DENND1A: variants seen among roughly 807,000 people sequenced by gnomAD.
DENND1A encodes the protein DENN domain containing 1A, also known as DENN domain-containing protein 1A.
DENND1A carries 51 observed loss-of-function variants against 113.7 expected under a neutral mutation model. That is an observed-to-expected ratio of 0.45 (90% confidence interval 0.36 to 0.57). The LOEUF is 0.57. Ranked by LOEUF, DENND1A falls within the 20% of genes least tolerant of loss-of-function variation. The pLI, the probability that DENND1A is intolerant of heterozygous loss-of-function variation, is 0.00. For synonymous variants in DENND1A, 565 were observed against 570.8 expected, an observed-to-expected ratio of 0.99 and a Z score of 0.14; for missense variants, 1,258 against 1,395.9, an observed-to-expected ratio of 0.90 and a Z score of 1.57.
chr9:123,787,628 C>T (rs1832384454), intron 3 of DENND1A, among the ~76,000 whole-genome samples: 3 of 152,152 alleles, frequency 2.0e-5, no homozygotes, highest in Admixed American at 2.0e-4. Context: ...TTACATGCAA[C>T]TCAGAAATGC....
rs769031890 is a variant in DENND1A at position 123,382,125 on chromosome 9, A to G, written c.2520T>C (p.Ser840=). The stretch of plus-strand genomic sequence containing the variant: ...GGTCCAGGAGGGCGAGCAGGGCGTC[A>G]CTGCTCGTGCCTGCAGCCCCGGGGC... ...SPGPGAAGTS[S]DALLALLDPL... Residue 840 remains serine, a synonymous_variant, in exon 24 of 24, where the codon AGT becomes AGC. Transcript: ENST00000394215. The G allele has an allele frequency of 1.1e-5, 17 of 1,583,942 alleles. No homozygotes were observed. Among genetic ancestry groups the G allele is most frequent in the Non-Finnish European group, 1.5e-5 (17 of 1,165,544 alleles).
rs563028181 is a variant in DENND1A at position 123,677,428 on chromosome 9, T to C, written c.303-639A>G. The stretch of plus-strand genomic sequence containing the variant: ...GTGGTCCACTCTGTGTGGCTTGTTT[T>C]TTGTTTGTTTGTTTGTTTGTTTTGA... On this transcript the variant is annotated intron_variant, in intron 5 of 23. Coordinates refer to ENST00000394215, the MANE Select transcript of DENND1A (RefSeq NM_001352964.2). 1.5e-3 allele frequency among the ~76,000 whole-genome samples: 232 copies of C among 151,844 alleles called. 2 individuals are homozygous for C. The highest frequency in any genetic ancestry group is 5.3e-3 in the African/African-American group (219 of 41,474).
At chr9:123,895,289 T>A (rs1588126825) in intron 1 of DENND1A, among the ~76,000 whole-genome samples, 2 of 152,058 alleles carry the variant, frequency 1.3e-5, no homozygotes, top group African/African-American at 4.8e-5. Context: ...TTTTTTTCCA[T>A]CTTCTCAGAT....
intron 3 of DENND1A, among the ~76,000 whole-genome samples, chr9:123,772,232 G>A (rs1445453128): frequency 6.6e-6 from 1 of 152,078 alleles, no homozygotes; most frequent in East Asian, 1.9e-4. Flanking sequence ...AAACATTCAT[G>A]TCTTATCATC....
chr9:123,768,177 T>C (rs971062240), intron 4 of DENND1A, among the ~76,000 whole-genome samples: 3 of 152,210 alleles, frequency 2.0e-5, no homozygotes, highest in African/African-American at 7.2e-5. Context: ...GAAATATTCC[T>C]GGTACCAGGA....
At chr9:123,678,192 G>A (rs2064214532) in intron 5 of DENND1A, among the ~76,000 whole-genome samples, 2 of 152,192 alleles carry the variant, frequency 1.3e-5, no homozygotes, top group South Asian at 4.1e-4. Context: ...CATGCAAACA[G>A]AGAGGAAGGG....
At chr9:123,849,182 A>G (rs556326789) in intron 2 of DENND1A, among the ~76,000 whole-genome samples, 1 of 152,320 alleles carries the variant, frequency 6.6e-6, no homozygotes, top group East Asian at 1.9e-4. Context: ...TTTCATAGCT[A>G]GAGAGGAGAT....
At chr9:123,855,517 T>C (rs751433301) in intron 2 of DENND1A, among the ~76,000 whole-genome samples, 1 of 152,094 alleles carries the variant, frequency 6.6e-6, no homozygotes, top group Non-Finnish European at 1.5e-5. Flanking sequence ...GCTCAGCTAG[T>C]GCAGAAGGTC....
intron 21 of DENND1A, among the ~76,000 whole-genome samples, chr9:123,397,410 C>T (rs2043189641): frequency 6.6e-6 from 1 of 152,214 alleles, no homozygotes; most frequent in Non-Finnish European, 1.5e-5. Flanking sequence ...CCACCTTGGC[C>T]TCCCAAAGTA....
At chr9:123,573,991 A>G (rs114061699) in intron 12 of DENND1A, among the ~76,000 whole-genome samples, 80 of 151,500 alleles carry the variant, frequency 5.3e-4, no homozygotes, top group African/African-American at 1.9e-3. Flanking sequence ...TTTTTTTCAT[A>G]TATCTTGTTA....
At chr9:123,691,531 CTT>C (rs2065189773) in intron 5 of DENND1A, among the ~76,000 whole-genome samples, 2 of 148,740 alleles carry the variant, frequency 1.3e-5, no homozygotes, top group South Asian at 2.1e-4. Context: ...CGGGGTGTCT[CTT>C]TGTGTGATTT....
At chr9:123,875,538 T>C (rs913244794) in intron 2 of DENND1A, among the ~76,000 whole-genome samples, 1 of 152,202 alleles carries the variant, frequency 6.6e-6, no homozygotes, top group African/African-American at 2.4e-5. Context: ...GCAGGGCAAA[T>C]TGGCCATTGG....
chr9:123,707,249 C>T (rs2066279222), intron 5 of DENND1A, among the ~76,000 whole-genome samples: 1 of 152,096 alleles, frequency 6.6e-6, no homozygotes, highest in Non-Finnish European at 1.5e-5. Flanking sequence ...ACAAAATTAG[C>T]CAGGCATGGT....
Position 123,680,189 on chromosome 9 carries a change from C to A in DENND1A, c.303-3400G>T, listed in dbSNP as rs574649452. On this transcript the variant is annotated intron_variant, in intron 5 of 23. Coordinates refer to ENST00000394215, the MANE Select transcript of DENND1A (RefSeq NM_001352964.2). ...GACAGAGAAAAGCGAAAAGGAACAG[C>A]CTGCTCCCCAGGCACCTGCCTGGAT... Among the ~76,000 whole-genome samples the A allele has an allele frequency of 4.7e-4, 71 of 152,328 alleles. 1 individual carries two copies. Among genetic ancestry groups the A allele is most frequent in the African/African-American group, 1.7e-3 (69 of 41,576 alleles).
chr9:123,723,384 T>C (rs1385801376), intron 5 of DENND1A, among the ~76,000 whole-genome samples: 2 of 152,102 alleles, frequency 1.3e-5, no homozygotes, highest in African/African-American at 4.8e-5. Flanking sequence ...AGTTAAGACT[T>C]TGGGGGACTG....
At chr9:123,719,118 A>G (rs1035620144) in intron 5 of DENND1A, among the ~76,000 whole-genome samples, 7 of 152,234 alleles carry the variant, frequency 4.6e-5, no homozygotes, top group African/African-American at 1.4e-4. Flanking sequence ...GGCATGAGGA[A>G]CTGTGAGTCC....
chr9:123,714,296 G>T (rs903080455), intron 5 of DENND1A, among the ~76,000 whole-genome samples: 2 of 152,150 alleles, frequency 1.3e-5, no homozygotes, highest in Admixed American at 1.3e-4. Flanking sequence ...CCATCATGTT[G>T]CAGGGACAAA....
chr9:123,482,795 G>A (rs2050457330), intron 13 of DENND1A, among the ~76,000 whole-genome samples: 1 of 152,210 alleles, frequency 6.6e-6, no homozygotes. Flanking sequence ...TGTGCTCAGA[G>A]GGGAAGGTGG....
At chr9:123,859,498 A>C (rs566136413) in intron 2 of DENND1A, among the ~76,000 whole-genome samples, 1 of 151,922 alleles carries the variant, frequency 6.6e-6, no homozygotes, top group African/African-American at 2.4e-5. Context: ...CCTATTTAAA[A>C]TTACATGGTT....
Sources: gnomAD v4.1 joint callset for allele counts (sites outside exome capture counted in the v4.1 genomes callset) on GRCh38, gnomAD v4.1.1 for gene constraint, MANE v1.5 for transcripts, NCBI Gene and HGNC (gene_info 2026-07-23, HGNC 2026-07-21) for gene names.